Variants in MEGF6 observed in about 807,000 individuals in gnomAD.
MEGF6 encodes multiple epidermal growth factor-like domains protein 6.
In MEGF6, 184 loss-of-function variants were observed where a neutral mutation model predicts 207.1. The observed-to-expected ratio is 0.89, with a 90% CI of 0.79 to 1.00. The LOEUF is 1.00. MEGF6 is among the 50% of genes least tolerant of loss of function. The pLI is 0.00. For synonymous variants in MEGF6, 1,038 were observed against 910.0 expected (o/e 1.14, Z -2.53); for missense variants, 2,282 against 2,202.9 (o/e 1.04, Z -0.72).
chr1:3,617,188 G>A, the MEGF6 span, among the ~76,000 whole-genome samples: 1 of 141,632 alleles, frequency 7.1e-6, no homozygotes, highest in African/African-American at 2.6e-5. Flanking sequence ...AACCTCGGGG[G>A]CAGCATCAGG....
chr1:3,590,224 C>T (rs182005204), intron 3 of MEGF6, among the ~76,000 whole-genome samples: 72 of 152,282 alleles, frequency 4.7e-4, no homozygotes, highest in Non-Finnish European at 9.1e-4. Context: ...CAGGCTGGCG[C>T]TCATCTGCCA....
intron 4 of MEGF6, among the ~76,000 whole-genome samples, chr1:3,547,766 G>T (rs1472537572): frequency 6.6e-6 from 1 of 152,180 alleles, no homozygotes. Flanking sequence ...GTCTTTGCGG[G>T]TGCGGGAATG....
intron 4 of MEGF6, among the ~76,000 whole-genome samples, chr1:3,541,224 C>A (rs552626854): frequency 6.6e-6 from 1 of 152,260 alleles, no homozygotes; most frequent in African/African-American, 2.4e-5. Flanking sequence ...CAGCACTGAG[C>A]GTCACAGAGC....
At chr1:3,511,883 AC>A in intron 8 of MEGF6, 122 bp downstream of exon 8, 1 of 1,502,966 alleles carries the variant, frequency 6.7e-7, no homozygotes, top group Non-Finnish European at 9.0e-7. Flanking sequence ...CCAAGGGCTC[AC>A]ACCCAGGGCT....
chr1:3,603,723 G>A (rs935292920), intron 1 of MEGF6, among the ~76,000 whole-genome samples: 4 of 152,092 alleles, frequency 2.6e-5, no homozygotes, highest in South Asian at 2.1e-4. Context: ...GTCCAGGCTC[G>A]GTACCGCCCT....
chr1:3,554,412 G>A (rs974753652), intron 4 of MEGF6, among the ~76,000 whole-genome samples: 50 of 152,274 alleles, frequency 3.3e-4, no homozygotes, highest in African/African-American at 1.2e-3. Flanking sequence ...GTGTCCCGGT[G>A]AGAGGGGAGG....
chr1:3,591,533 G>A (rs1426967362), intron 3 of MEGF6, among the ~76,000 whole-genome samples: 1 of 152,186 alleles, frequency 6.6e-6, no homozygotes, highest in Admixed American at 6.5e-5. Context: ...TCCACATGAA[G>A]TGACTCATTT....
At position 3,497,201 on chromosome 1, in the gene MEGF6, G is replaced by T. The variant is rs570834381; in HGVS notation, c.3481+32C>A. 7.8e-6 allele frequency: 12 copies of T among 1,529,674 alleles called. No individual in the cohort carries two copies. In the East Asian group the frequency reaches 2.3e-4, roughly 29 times the overall value. 94.8% of individuals were successfully genotyped at this position (1,529,674 alleles called of 1,614,324 possible). Reference sequence around the variant, plus strand: ...CTCTCTGGATTCCCCCTGCCCAGCCGCTCCTCGGGGTGGGGGCTTGGGAGC... The same window carrying T: ...CTCTCTGGATTCCCCCTGCCCAGCCTCTCCTCGGGGTGGGGGCTTGGGAGC... On this transcript the variant is annotated intron_variant, in intron 27 of 36. Transcript: ENST00000356575.
chr1:3,560,992 A>C lies in MEGF6; in HGVS notation c.481+18833T>G, dbSNP rs1430818983. Among the ~76,000 whole-genome samples the C allele has an allele frequency of 1.3e-5, 2 of 152,158 alleles. No homozygotes were observed. The highest frequency in any genetic ancestry group is 4.8e-5 in the African/African-American group (2 of 41,432). On this transcript the variant is annotated intron_variant, in intron 4 of 36. Transcript: ENST00000356575. This position sits in a 1 kb window ranked among gnomAD's most constrained non-coding sequence, Gnocchi z 4.0. ...CAGCTCTAGGCCCTTCTGTACTCCC[A>C]GAGCCAGGCATACAGGAGTCTCTGG...
intron 4 of MEGF6, among the ~76,000 whole-genome samples, chr1:3,533,942 C>A (rs915293277): frequency 9.2e-5 from 14 of 152,326 alleles, no homozygotes; most frequent in Admixed American, 6.5e-4. Flanking sequence ...GAGGAAGAAG[C>A]CCACAGGAAG....
At chr1:3,557,506 C>A (rs924211148) in intron 4 of MEGF6, among the ~76,000 whole-genome samples, 2 of 152,212 alleles carry the variant, frequency 1.3e-5, no homozygotes, top group African/African-American at 4.8e-5. Flanking sequence ...GTGCCCACCT[C>A]GCTGGGCGGT....
intron 4 of MEGF6, among the ~76,000 whole-genome samples, chr1:3,547,622 C>T (rs1260702795): frequency 6.6e-6 from 1 of 152,182 alleles, no homozygotes; most frequent in African/African-American, 2.4e-5. Context: ...CCCATCCTCC[C>T]TTCCTGGCGC....
intron 1 of MEGF6, among the ~76,000 whole-genome samples, chr1:3,609,032 C>G (rs527829862): frequency 1.3e-5 from 2 of 152,310 alleles, no homozygotes; most frequent in East Asian, 3.9e-4. Flanking sequence ...AACTCAGCAG[C>G]CAGTGGTTCA....
intron 5 of MEGF6, among the ~76,000 whole-genome samples, chr1:3,517,725 C>T (rs1005343319): frequency 2.4e-4 from 36 of 152,200 alleles, no homozygotes; most frequent in African/African-American, 8.4e-4. Flanking sequence ...CAAAGTGGAC[C>T]AAGCTCAGAC....
At chr1:3,537,021 C>T (rs1281589015) in intron 4 of MEGF6, among the ~76,000 whole-genome samples, 1 of 152,284 alleles carries the variant, frequency 6.6e-6, no homozygotes, top group African/African-American at 2.4e-5. Context: ...TGATGCCGGG[C>T]TGTCCACGCT....
At chr1:3,544,167 G>A (rs367625947) in intron 4 of MEGF6, among the ~76,000 whole-genome samples, 11 of 152,248 alleles carry the variant, frequency 7.2e-5, no homozygotes, top group African/African-American at 1.2e-4. Flanking sequence ...AGAGAGACAC[G>A]GAAGGTCCAA....
intron 5 of MEGF6, 67 bp downstream of exon 5, chr1:3,524,057 G>A: frequency 1.3e-6 from 2 of 1,552,638 alleles, no homozygotes; most frequent in South Asian, 2.3e-5. Flanking sequence ...GCCAGGCCTG[G>A]GCACACCCCA....
intron 3 of MEGF6, among the ~76,000 whole-genome samples, chr1:3,585,336 T>C: frequency 7.1e-6 from 1 of 140,966 alleles, no homozygotes; most frequent in African/African-American, 2.7e-5. Context: ...GAGTGACACA[T>C]GTCCTATGTG....
chr1:3,589,754 G>A (rs893882335), intron 3 of MEGF6, among the ~76,000 whole-genome samples: 3 of 152,164 alleles, frequency 2.0e-5, no homozygotes, highest in Non-Finnish European at 2.9e-5. Flanking sequence ...CGCCTGCATC[G>A]GCCCCGTTCA....
Sources: allele counts gnomAD v4.1 joint callset (sites outside exome capture counted in the v4.1 genomes callset), GRCh38; gene constraint gnomAD v4.1.1; non-coding constraint Gnocchi (gnomAD v3.1); transcripts MANE v1.5; gene names NCBI Gene and HGNC (gene_info 2026-07-23, HGNC 2026-07-21).